The following NLGN4X variants were observed in gnomAD, a reference collection of about 807,000 sequenced individuals.
NLGN4X encodes neuroligin 4 X-linked, also known as neuroligin-4, X-linked.
Under a neutral mutation model 40.3 loss-of-function variants are expected in NLGN4X, and 3 were observed. The observed-to-expected ratio is 0.07, with a 90% CI of 0.03 to 0.19. NLGN4X has a LOEUF of 0.19. Among genes scored for constraint, NLGN4X ranks in the 10% least tolerant of loss-of-function variants. The probability of loss-of-function intolerance (pLI) is 1.00; values close to 1 mark genes in which losing one functional copy is unlikely to be tolerated. For missense variants in NLGN4X, 382 were observed against 708.3 expected (o/e 0.54, Z 5.23); for synonymous variants, 270 against 306.8 (o/e 0.88, Z 1.25).
intron 2 of NLGN4X, among the ~76,000 whole-genome samples, chrX:6,128,934 C>T (rs1425596002): frequency 8.9e-6 from 1 of 111,853 alleles, no homozygotes; most frequent in African/African-American, 3.3e-5. Flanking sequence ...CCTTGAAGTG[C>T]AATGCATTCC....
chrX:6,213,127 T>G (rs936114151), intron 1 of NLGN4X, among the ~76,000 whole-genome samples: 1 of 107,316 alleles, frequency 9.3e-6, no homozygotes, highest in Non-Finnish European at 1.9e-5. Flanking sequence ...TGACAAACTC[T>G]CTGTCAGCCA....
At chrX:5,963,586 T>C (rs144813789) in intron 3 of NLGN4X, among the ~76,000 whole-genome samples, 25 of 112,004 alleles carry the variant, frequency 2.2e-4, no homozygotes, top group African/African-American at 6.5e-4. Context: ...AATTTCATCT[T>C]AAGGCTAACA....
chrX:6,134,995 C>A (rs1045796461), intron 2 of NLGN4X, among the ~76,000 whole-genome samples: 8 of 112,888 alleles, frequency 7.1e-5, no homozygotes, highest in African/African-American at 2.6e-4. Context: ...TTCATGTTCA[C>A]CAGATCAGCT....
chrX:5,957,678 T>C (rs1282132654), intron 3 of NLGN4X, among the ~76,000 whole-genome samples: 1 of 111,507 alleles, frequency 9.0e-6, no homozygotes. Context: ...CCAAGACAGC[T>C]GGTATGTATT....
At chrX:5,899,146 C>G (rs1326789814) in intron 5 of NLGN4X, among the ~76,000 whole-genome samples, 1 of 112,319 alleles carries the variant, frequency 8.9e-6, no homozygotes, top group Non-Finnish European at 1.9e-5. Flanking sequence ...GAGTAACTTC[C>G]TTGAGGAATC....
intron 2 of NLGN4X, 105 bp downstream of exon 2, chrX:6,150,890 C>A: frequency 1.5e-6 from 1 of 647,708 alleles, no homozygotes; most frequent in Non-Finnish European, 2.5e-6. Flanking sequence ...ATAAAATAAA[C>A]GGGTTATAGA....
intron 3 of NLGN4X, among the ~76,000 whole-genome samples, chrX:5,992,144 C>T (rs1263161813): frequency 9.0e-6 from 1 of 111,518 alleles, no homozygotes; most frequent in Non-Finnish European, 1.9e-5. Flanking sequence ...TAGAGTTGGA[C>T]CTAATGAGGA....
chrX:5,895,402 C>T (rs2031432851), intron 5 of NLGN4X, among the ~76,000 whole-genome samples: 1 of 110,848 alleles, frequency 9.0e-6, no homozygotes, highest in Non-Finnish European at 1.9e-5. Flanking sequence ...AATAGAACAC[C>T]TATAATATTG....
intron 1 of NLGN4X, among the ~76,000 whole-genome samples, chrX:6,201,594 C>G (rs1484435928): frequency 2.7e-5 from 3 of 111,748 alleles, no homozygotes; most frequent in Non-Finnish European, 5.6e-5. Context: ...AAGGAAAGTA[C>G]AGATGTATCT....
intron 3 of NLGN4X, among the ~76,000 whole-genome samples, chrX:5,999,489 T>C (rs2035918742): frequency 8.9e-6 from 1 of 112,167 alleles, no homozygotes; most frequent in Admixed American, 9.5e-5. Context: ...ATAAGCAGTA[T>C]GCAATCATCA....
intron 2 of NLGN4X, among the ~76,000 whole-genome samples, chrX:6,034,782 C>A (rs1478775848): frequency 9.1e-6 from 1 of 109,453 alleles, no homozygotes; most frequent in African/African-American, 3.3e-5. Context: ...GATCTCGGCT[C>A]ACGACAACCT....
chrX:5,896,833 C>T (rs1413127135), intron 5 of NLGN4X, among the ~76,000 whole-genome samples: 4 of 112,312 alleles, frequency 3.6e-5, no homozygotes, highest in Non-Finnish European at 5.6e-5. Context: ...CTCTTCCACA[C>T]CAGGTGGGGA....
intron 2 of NLGN4X, among the ~76,000 whole-genome samples, chrX:6,111,721 G>T (rs1262407571): frequency 9.0e-6 from 1 of 111,294 alleles, no homozygotes; most frequent in Non-Finnish European, 1.9e-5. Context: ...ACTCCAGCCT[G>T]AGCAACAGAA....
chrX:6,002,820 C>T (rs925916725), intron 3 of NLGN4X, among the ~76,000 whole-genome samples: 2 of 112,034 alleles, frequency 1.8e-5, no homozygotes, highest in African/African-American at 6.5e-5. Context: ...AGGGGAGAAG[C>T]AGCTGGACAT....
rs930625574 is a variant in NLGN4X at position 6,082,948 on chromosome X, G to GT, written c.473-53517dup. On this transcript the variant is annotated intron_variant, in intron 2 of 5. Transcript: ENST00000381095. ...AAAAAAAGAGATTTTGCCATGATGC[G>GT]TTTTTTTCTTTTTTTTTTTTTTTTT... 2.4e-3 allele frequency among the ~76,000 whole-genome samples: 171 copies of GT among 70,317 alleles called. 8 individuals carry two copies. Among genetic ancestry groups the GT allele is most frequent in the African/African-American group, 6.0e-3 (124 of 20,642 alleles). 61.1% of individuals were successfully genotyped at this position (70,317 alleles called of 115,157 possible). A position where few individuals can be genotyped will look rare whatever the true frequency, so the allele number is the denominator to read the frequency against.
intron 2 of NLGN4X, among the ~76,000 whole-genome samples, chrX:6,041,897 G>C (rs1476936803): frequency 8.9e-6 from 1 of 112,489 alleles, no homozygotes; most frequent in African/African-American, 3.2e-5. Context: ...CGTAACAAGT[G>C]TAACTAATTC....
chrX:6,049,657 T>C (rs1290634451), intron 2 of NLGN4X, among the ~76,000 whole-genome samples: 1 of 97,784 alleles, frequency 1.0e-5, no homozygotes, highest in Non-Finnish European at 2.0e-5. Context: ...CATTTAATTC[T>C]CAGGACCATC....
At chrX:5,984,934 CATAA>C (rs2035491323) in intron 3 of NLGN4X, among the ~76,000 whole-genome samples, 1 of 111,370 alleles carries the variant, frequency 9.0e-6, no homozygotes, top group Non-Finnish European at 1.9e-5. Flanking sequence ...AGTAATGAAA[CATAA>C]ATAAAATAGT....
chrX:6,150,131 T>C (rs1290739806), intron 2 of NLGN4X, among the ~76,000 whole-genome samples: 1 of 111,722 alleles, frequency 9.0e-6, no homozygotes, highest in Non-Finnish European at 1.9e-5. Context: ...TCTGTTGTTC[T>C]TTCTCCTCAT....
Sources: allele counts gnomAD v4.1 joint callset (sites outside exome capture counted in the v4.1 genomes callset), GRCh38; gene constraint gnomAD v4.1.1; transcripts MANE v1.5; gene names NCBI Gene and HGNC (gene_info 2026-07-23, HGNC 2026-07-21).